The following GCN1 variants were observed in gnomAD, a reference collection of about 807,000 sequenced individuals.
GCN1 encodes the protein stalled ribosome sensor GCN1.
A neutral mutation model predicts 288.4 loss-of-function variants in GCN1; 90 were observed. That is an observed-to-expected ratio of 0.31 (90% CI 0.26 to 0.37). GCN1 has a LOEUF of 0.37. Among genes scored for constraint, GCN1 ranks in the 10% least tolerant of loss-of-function variants. GCN1 has a pLI of 1.00. For synonymous variants in GCN1, 1,386 were observed against 1,420.2 expected (o/e 0.98, Z 0.54); for missense variants, 2,586 against 3,419.9 (o/e 0.76, Z 6.08).
Position 120,137,967 on chromosome 12 carries a change from A to G in GCN1, c.6327T>C (p.Leu2109=). Residue 2109 remains leucine (L), a synonymous_variant, in exon 48 of 58, where the codon CTT becomes CTC. Coordinates refer to ENST00000300648, the MANE Select transcript of GCN1 (RefSeq NM_006836.2). This position sits in a 1 kb window ranked among gnomAD's most constrained non-coding sequence, Gnocchi z 5.2. The part of the protein sequence containing the change: ...SVAGDALTRH[L]GVILPAVMLA... ...GCATGACCGCTGGGAGGATCACGCC[A>G]AGATGACGGGTGAGGGCATCACCAG... 5 of 1,614,216 alleles carry G rather than the reference A, an allele frequency of 3.1e-6. No homozygotes were observed. The highest frequency in any genetic ancestry group is 1.3e-5 in the African/African-American group (1 of 75,064).
chr12:120,129,115 C>CACCGCGCCCGGCCCCAGTCACCCA (rs1162971544), intron 57 of GCN1, among the ~76,000 whole-genome samples, 161 bp downstream of exon 57: 7 of 152,176 alleles, frequency 4.6e-5, no homozygotes, highest in Non-Finnish European at 1.0e-4. Flanking sequence ...AGGCGCGAGC[C>CACCGCGCCCGGCCCCAGTCACCCA]ACCGCGCCCG....
In GCN1 at chr12:120,158,690, A is replaced by G. The variant is rs922095938; in HGVS notation, c.2750-75T>C. On this transcript the variant is annotated intron_variant, in intron 24 of 57. Coordinates refer to ENST00000300648, the MANE Select transcript of GCN1 (RefSeq NM_006836.2). This position sits in a 1 kb window ranked among gnomAD's most constrained non-coding sequence, Gnocchi z 4.3. ...AATCCAGCCCAGGCTAAAACAGGGG[A>G]CCCAGTGCCTCATCCTTCTGACTTA... 25 of 1,251,458 alleles carry G rather than the reference A, an allele frequency of 2.0e-5. No individual in the cohort carries two copies. In the African/African-American group the frequency reaches 3.0e-4, roughly 15 times the overall value. The allele number at this position is 1,251,458 out of a possible 1,614,324, so 77.5% of individuals were successfully genotyped here.
intron 6 of GCN1, 22 bp downstream of exon 6, chr12:120,178,830 C>A (rs1354742305): frequency 6.2e-7 from 1 of 1,612,990 alleles, no homozygotes; most frequent in East Asian, 2.2e-5. Context: ...GCAATGCCCA[C>A]CAGCCCCTGC....
intron 12 of GCN1, 127 bp from the exon 13 acceptor site, chr12:120,174,296 C>G: frequency 1.6e-6 from 1 of 643,496 alleles, no homozygotes; most frequent in Non-Finnish European, 2.9e-6. Context: ...CATACCTCTC[C>G]TTTGGCCATT....
intron 1 of GCN1, among the ~76,000 whole-genome samples, chr12:120,193,840 T>G (rs1329294841): frequency 6.6e-6 from 1 of 152,216 alleles, no homozygotes; most frequent in African/African-American, 2.4e-5. Flanking sequence ...AATGCTTAAG[T>G]GGTCATTTTC....
chr12:120,159,599 C>G (rs972005715), intron 24 of GCN1, among the ~76,000 whole-genome samples: 1 of 152,186 alleles, frequency 6.6e-6, no homozygotes, highest in East Asian at 1.9e-4. Flanking sequence ...GCATCTAAAA[C>G]CTACTCCTCA....
chr12:120,154,283 GTT>G (rs1877667950), intron 31 of GCN1, among the ~76,000 whole-genome samples: 1 of 152,222 alleles, frequency 6.6e-6, no homozygotes, highest in African/African-American at 2.4e-5. Context: ...AGGGCAAAGT[GTT>G]GTTACTCTTT....
In GCN1 at chr12:120,149,616, C is replaced by T. The variant is rs541062605; in HGVS notation, c.4536G>A (p.Arg1512=). The T allele has an allele frequency of 6.8e-6, 11 of 1,612,078 alleles. No homozygotes were observed. In the African/African-American group the frequency reaches 1.3e-4, roughly 20 times the overall value. ...LLAALEEESW[R]TKAGSVELLG... is the part of the protein sequence containing the mutation. Reference sequence around the variant, plus strand: ...AGCGAGTGGTCTTACCAGCTTTGGTCCGCCACGATTCCTCCTCCAGGGCAG... The same window carrying T: ...AGCGAGTGGTCTTACCAGCTTTGGTTCGCCACGATTCCTCCTCCAGGGCAG... The change falls in exon 36 of 58, where the codon CGG becomes CGA. Residue 1512 remains arginine, a synonymous_variant. Coordinates refer to ENST00000300648, the MANE Select transcript of GCN1 (RefSeq NM_006836.2).
At chr12:120,169,099 T>C (rs1173165374) in intron 15 of GCN1, among the ~76,000 whole-genome samples, 1 of 151,980 alleles carries the variant, frequency 6.6e-6, no homozygotes, top group African/African-American at 2.4e-5. Flanking sequence ...ATTGAGACCA[T>C]CCTGGCTAAC....
intron 16 of GCN1, 48 bp downstream of exon 16, chr12:120,168,160 A>C: frequency 6.2e-6 from 7 of 1,127,498 alleles, no homozygotes; most frequent in Non-Finnish European, 9.5e-6. Flanking sequence ...GATTTTCCAA[A>C]GAGACTTTGC....
intron 2 of GCN1, among the ~76,000 whole-genome samples, chr12:120,188,115 C>T (rs1335855378): frequency 6.6e-6 from 1 of 152,020 alleles, no homozygotes. Flanking sequence ...CACCTTGTTG[C>T]GAATATTCCA....
rs903172346 is a variant in GCN1, at chr12:120,153,748, C to T, written c.3863G>A (p.Gly1288Glu). ...DAALATLNTH[G>E]KENVNSLLPV... ...CCCTGGCTGGGACCCCCTTACCTTC[C>T]CATGAGTGTTGAGCGTTGCGAGGGC... is the stretch of plus-strand genomic sequence containing the variant. The change falls in exon 32 of 58, where the codon GGG (glycine) becomes GAG (glutamate). Residue 1288 changes from glycine (G) to glutamate (E), a missense_variant. By Grantham distance (98) the Gly-to-Glu change is moderately conservative (BLOSUM62 -2). Coordinates refer to ENST00000300648, the MANE Select transcript of GCN1 (RefSeq NM_006836.2). The surrounding 1 kb of genome is among the most constrained non-coding windows in gnomAD (Gnocchi z 4.4). 6.2e-7 allele frequency: 1 copy of T among 1,613,842 alleles called. No individual in the cohort carries two copies. The highest frequency in any genetic ancestry group is 1.1e-5 in the South Asian group (1 of 91,048).
At position 120,164,657 on chromosome 12, in the gene GCN1, G is replaced by T; in HGVS notation, c.1677C>A (p.Gly559=). The T allele has an allele frequency of 6.2e-7, 1 of 1,613,282 alleles. No individual in the cohort carries two copies. Among genetic ancestry groups the T allele is most frequent in the Non-Finnish European group, 8.5e-7 (1 of 1,179,224 alleles). ...CCAGCCTCACGTACTGAACTTTGTTGCCAGTGAGTCTATGCGGGTGGTCAA... is the reference window on the plus strand; with the variant it reads ...CCAGCCTCACGTACTGAACTTTGTTTCCAGTGAGTCTATGCGGGTGGTCAA... The part of the protein sequence containing the change: ...LFLDHPHRLT[G]NKVQQYHRAL... The change falls in exon 17 of 58, where the codon GGC becomes GGA. Residue 559 remains glycine, a synonymous_variant. Coordinates refer to ENST00000300648, the MANE Select transcript of GCN1 (RefSeq NM_006836.2).
intron 18 of GCN1, among the ~76,000 whole-genome samples, chr12:120,164,037 G>A (rs1217197846): frequency 6.6e-6 from 1 of 152,222 alleles, no homozygotes; most frequent in African/African-American, 2.4e-5. Flanking sequence ...GGAGGCTGAG[G>A]TGGAAGGATC....
intron 16 of GCN1, among the ~76,000 whole-genome samples, chr12:120,167,266 C>A (rs1044712722): frequency 1.3e-5 from 2 of 150,226 alleles, no homozygotes; most frequent in Non-Finnish European, 3.0e-5. Flanking sequence ...GGCAAGAGAA[C>A]CGCTTGAACC....
chr12:120,140,726 CA>C (rs1877160387), intron 45 of GCN1, 132 bp downstream of exon 45: 1 of 794,072 alleles, frequency 1.3e-6, no homozygotes, highest in East Asian at 2.6e-5. Context: ...AGCACCTCCC[CA>C]GAGTGAGACT....
intron 1 of GCN1, among the ~76,000 whole-genome samples, chr12:120,193,272 T>C (rs1879064775): frequency 6.6e-6 from 1 of 152,194 alleles, no homozygotes; most frequent in Non-Finnish European, 1.5e-5. Context: ...TGGCTAACTG[T>C]GCACTGAAAT....
At chr12:120,167,437 C>T (rs890349633) in intron 16 of GCN1, among the ~76,000 whole-genome samples, 4 of 150,766 alleles carry the variant, frequency 2.7e-5, no homozygotes, top group African/African-American at 7.3e-5. Context: ...ACAGTACATA[C>T]GGCAGGCACA....
rs578046775 is a variant in GCN1, at chr12:120,173,634, G to A, written c.1366+19C>T. The A allele has an allele frequency of 2.0e-6, 3 of 1,515,192 alleles. No homozygotes were observed. Among genetic ancestry groups the A allele is most frequent in the African/African-American group, 2.7e-5 (2 of 73,008 alleles). 93.9% of individuals were successfully genotyped at this position (1,515,192 alleles called of 1,614,324 possible). On this transcript the variant is annotated intron_variant, in intron 14 of 57. Coordinates refer to ENST00000300648, the MANE Select transcript of GCN1 (RefSeq NM_006836.2). ...CCTCTGCAAGGAGACCTGGACACTAGCCCTGGGAGTTGTCTTACCCCGGTA... is the reference window on the plus strand; with the variant it reads ...CCTCTGCAAGGAGACCTGGACACTAACCCTGGGAGTTGTCTTACCCCGGTA...
Sources: allele counts gnomAD v4.1 joint callset (sites outside exome capture counted in the v4.1 genomes callset), GRCh38; gene constraint gnomAD v4.1.1; non-coding constraint Gnocchi (gnomAD v3.1); transcripts MANE v1.5; gene names NCBI Gene and HGNC (gene_info 2026-07-23, HGNC 2026-07-21).